The following PCDHGB7 variants were observed in gnomAD, a reference collection of about 807,000 sequenced individuals.
PCDHGB7 encodes protocadherin gamma-B7.
In PCDHGB7, 37 loss-of-function variants were observed where a neutral mutation model predicts 61.4. The observed-to-expected ratio is 0.60, with a 90% CI of 0.46 to 0.79. The LOEUF is 0.79. PCDHGB7 is among the 30% of genes least tolerant of loss of function. The probability of loss-of-function intolerance (pLI) is 0.00; values close to 1 mark genes in which losing one functional copy is unlikely to be tolerated. For missense variants in PCDHGB7, 1,166 were observed against 1,202.5 expected, an observed-to-expected ratio of 0.97 and a Z score of 0.45; for synonymous variants, 464 against 503.5, an observed-to-expected ratio of 0.92 and a Z score of 1.05.
intron 3 of PCDHGB7, among the ~76,000 whole-genome samples, chr5:141,508,841 C>A (rs969875150): frequency 6.6e-6 from 1 of 152,140 alleles, no homozygotes; most frequent in East Asian, 1.9e-4. Context: ...TCCCCTACCC[C>A]TTCCATTCCC....
At chr5:141,426,621 C>G (rs984316174) in intron 1 of PCDHGB7, 1 of 392,280 alleles carries the variant, frequency 2.5e-6, no homozygotes, top group Non-Finnish European at 5.2e-6. Flanking sequence ...AGAGAATCCT[C>G]TAAATGTTTT....
intron 1 of PCDHGB7, among the ~76,000 whole-genome samples, chr5:141,452,689 C>G (rs1198702467): frequency 6.6e-6 from 1 of 151,562 alleles, no homozygotes; most frequent in Non-Finnish European, 1.5e-5. Context: ...AGAATGAAAC[C>G]CTGTCAAGAA....
At chr5:141,508,739 C>A (rs1344024245) in intron 3 of PCDHGB7, among the ~76,000 whole-genome samples, 1 of 152,156 alleles carries the variant, frequency 6.6e-6, no homozygotes, top group African/African-American at 2.4e-5. Context: ...ACACCCCCCA[C>A]CCCGCTCTTT....
intron 1 of PCDHGB7, chr5:141,422,676 A>G (rs1245488589): frequency 1.2e-6 from 2 of 1,606,500 alleles, no homozygotes; most frequent in East Asian, 4.5e-5. Flanking sequence ...CGGACAGCAA[A>G]CAGAATGCCC....
chr5:141,434,072 A>G lies in PCDHGB7; in HGVS notation c.2415+13798A>G, dbSNP rs558084143. On this transcript the variant is annotated intron_variant, in intron 1 of 3. Coordinates refer to ENST00000398594, the MANE Select transcript of PCDHGB7 (RefSeq NM_018927.4). ...CAATGGCCTGTAATCTGTTAATATC[A>G]ATTATTTATTTTGATGCTGAAATTG... Among the ~76,000 whole-genome samples the G allele has an allele frequency of 1.9e-3, 289 of 152,072 alleles. 1 individual carries two copies. Among genetic ancestry groups the G allele is most frequent in the African/African-American group, 6.7e-3 (276 of 41,486 alleles).
At position 141,491,023 on chromosome 5, in the gene PCDHGB7, G is replaced by A. The variant is rs773185039; in HGVS notation, c.2416-3784G>A. 17 of 1,613,990 alleles carry A rather than the reference G, an allele frequency of 1.1e-5. No individual in the cohort carries two copies. Among genetic ancestry groups the A allele is most frequent in the Admixed American group, 5.0e-5 (3 of 60,008 alleles). ...CTCCTTGGTCACCAAGGTGACAGCC[G>A]TGGATGCTGATGCAGGCCACAATGC... On this transcript the variant is annotated intron_variant, in intron 1 of 3. Coordinates refer to ENST00000398594, the MANE Select transcript of PCDHGB7 (RefSeq NM_018927.4). The surrounding 1 kb of genome is among the most constrained non-coding windows in gnomAD (Gnocchi z 6.9).
At chr5:141,479,200 AAAGT>A (rs1430087636) in intron 1 of PCDHGB7, 5 of 152,466 alleles carry the variant, frequency 3.3e-5, no homozygotes, top group African/African-American at 1.2e-4. Flanking sequence ...AAAATACAGA[AAAGT>A]ATTTAAAAAA....
chr5:141,490,874 A>C lies in PCDHGB7; in HGVS notation c.2416-3933A>C. 1 of 1,613,948 alleles carries C rather than the reference A, an allele frequency of 6.2e-7. No homozygotes were observed. The highest frequency in any genetic ancestry group is 1.3e-5 in the African/African-American group (1 of 75,054). The stretch of plus-strand genomic sequence containing the variant: ...CGAGACTCCGGCTCTCCCCCATTGC[A>C]TGCCAACACATCTCTGCATGTGTTT... On this transcript the variant is annotated intron_variant, in intron 1 of 3. Coordinates refer to ENST00000398594, the MANE Select transcript of PCDHGB7 (RefSeq NM_018927.4). The surrounding 1 kb of genome is among the most constrained non-coding windows in gnomAD (Gnocchi z 5.4).
chr5:141,421,054 A>C, intron 1 of PCDHGB7: 2 of 571,978 alleles, frequency 3.5e-6, no homozygotes, highest in Non-Finnish European at 6.0e-6. Context: ...CGCCTCTACC[A>C]CACAAAGCGG....
intron 1 of PCDHGB7, chr5:141,423,087 G>C (rs756067751): frequency 1.2e-6 from 2 of 1,613,936 alleles, no homozygotes; most frequent in African/African-American, 1.3e-5. Context: ...TCTTCGCGGT[G>C]GGGGAGCACA....
intron 2 of PCDHGB7, 69 bp from the exon 3 acceptor site, chr5:141,505,324 G>T: frequency 6.2e-7 from 1 of 1,607,102 alleles, no homozygotes; most frequent in African/African-American, 1.3e-5. Context: ...GGAGCCCTGG[G>T]AGAGGACAGG....
chr5:141,432,286 C>T lies in PCDHGB7; in HGVS notation c.2415+12012C>T. ...TATCGTCCTACGTGTCCATCAACTCCGACACTGGGGTACTGTATGCGCTGA... is the reference window on the plus strand; with the variant it reads ...TATCGTCCTACGTGTCCATCAACTCTGACACTGGGGTACTGTATGCGCTGA... On this transcript the variant is annotated intron_variant, in intron 1 of 3. Transcript: ENST00000398594. This position sits in a 1 kb window ranked among gnomAD's most constrained non-coding sequence, Gnocchi z 6.0. 3 of 1,614,252 alleles carry T rather than the reference C, an allele frequency of 1.9e-6. No homozygotes were observed. Among genetic ancestry groups the T allele is most frequent in the Non-Finnish European group, 2.5e-6 (3 of 1,180,048 alleles).
intron 1 of PCDHGB7, chr5:141,478,239 C>T: frequency 1.2e-6 from 2 of 1,614,132 alleles, no homozygotes; most frequent in Non-Finnish European, 1.7e-6. Context: ...TTTGTGGTCA[C>T]AGTGTTCGGA....
intron 1 of PCDHGB7, among the ~76,000 whole-genome samples, chr5:141,469,923 G>A (rs1251812588): frequency 1.3e-5 from 2 of 152,200 alleles, no homozygotes; most frequent in Non-Finnish European, 2.9e-5. Flanking sequence ...CCGAGGTCAG[G>A]AGTTTGAGAC....
chr5:141,420,142 G>T lies in PCDHGB7; in HGVS notation c.2283G>T (p.Met761Ile). The T allele has an allele frequency of 4.3e-6, 7 of 1,614,004 alleles. No individual in the cohort carries two copies. Among genetic ancestry groups the T allele is most frequent in the Non-Finnish European group, 5.9e-6 (7 of 1,179,878 alleles). ...AYNFCVPGDQ[M>I]NPEFNFFTSV... ...ATTTTTGTGTGCCTGGGGATCAAAT[G>T]AATCCAGAATTTAATTTTTTCACAT... The change falls in exon 1 of 4, where the codon ATG becomes ATT. Residue 761 changes from methionine to isoleucine, a missense_variant. Physicochemically the swap from Met to Ile is conservative, Grantham distance 10. Coordinates refer to ENST00000398594, the MANE Select transcript of PCDHGB7 (RefSeq NM_018927.4).
intron 2 of PCDHGB7, among the ~76,000 whole-genome samples, chr5:141,495,233 A>G (rs1226612093): frequency 1.3e-5 from 2 of 152,196 alleles, no homozygotes; most frequent in African/African-American, 4.8e-5. Flanking sequence ...GCTGGGCTCC[A>G]TTATGACCTG....
At chr5:141,426,830 C>A (rs559240163) in intron 1 of PCDHGB7, 301 of 456,662 alleles carry the variant, frequency 6.6e-4, no homozygotes, top group African/African-American at 5.8e-3. Flanking sequence ...TGATGATGGA[C>A]AAGACTAAAG....
Position 141,432,979 on chromosome 5 carries a change from TGTGGGC to T in PCDHGB7, c.2415+12710_2415+12715del. 1 of 1,614,228 alleles carries T rather than the reference TGTGGGC, an allele frequency of 6.2e-7. No individual in the cohort carries two copies. On this transcript the variant is annotated intron_variant, in intron 1 of 3. Coordinates refer to ENST00000398594, the MANE Select transcript of PCDHGB7 (RefSeq NM_018927.4). The surrounding 1 kb of genome is among the most constrained non-coding windows in gnomAD (Gnocchi z 6.0). ...TGACAGGAGCGCCGGCGTCGCACTTTGTGGGCGTGGACGGGGTGCAGGCTTTCCTGC... is the reference window on the plus strand; with the variant it reads ...TGACAGGAGCGCCGGCGTCGCACTTTGTGGACGGGGTGCAGGCTTTCCTGC...
Position 141,494,920 on chromosome 5 carries a change from G to A in PCDHGB7, c.2474+55G>A, listed in dbSNP as rs1329724849. The A allele has an allele frequency of 1.8e-5, 29 of 1,613,680 alleles. No individual in the cohort carries two copies. The East Asian group carries it at 6.5e-4, about 36-fold the overall frequency. On this transcript the variant is annotated intron_variant, in intron 2 of 3. Coordinates refer to ENST00000398594, the MANE Select transcript of PCDHGB7 (RefSeq NM_018927.4). ...TTCTCTGCGGCATTTTCTCAGGGAT[G>A]ACGTGGGAGGAGATGGGGGAGGGCC...
Sources: allele counts gnomAD v4.1 joint callset (sites outside exome capture counted in the v4.1 genomes callset), GRCh38; gene constraint gnomAD v4.1.1; non-coding constraint Gnocchi (gnomAD v3.1); transcripts MANE v1.5; gene names NCBI Gene and HGNC (gene_info 2026-07-23, HGNC 2026-07-21).